The following CCAR1 variants were observed in gnomAD, a reference collection of about 807,000 sequenced individuals.
CCAR1 encodes cell division cycle and apoptosis regulator protein 1.
In CCAR1, 78 loss-of-function variants were observed where a neutral mutation model predicts 163.8. That is an observed-to-expected ratio of 0.48 (90% confidence interval 0.40 to 0.57). CCAR1 has a LOEUF of 0.57. Among genes scored for constraint, CCAR1 ranks in the 20% least tolerant of loss-of-function variants. CCAR1 has a pLI of 0.00. For synonymous variants in CCAR1, 443 were observed against 460.7 expected (o/e 0.96, Z 0.49); for missense variants, 1,019 against 1,365.2 (o/e 0.75, Z 4.00).
At chr10:68,740,497 C>G (rs2056168595) in intron 4 of CCAR1, 132 bp from the exon 5 acceptor site, 2 of 738,542 alleles carry the variant, frequency 2.7e-6, no homozygotes, top group African/African-American at 3.6e-5. Flanking sequence ...ATAGTGAGAC[C>G]TCGTTTCTGT....
chr10:68,785,499 G>C (rs571371006), intron 19 of CCAR1, among the ~76,000 whole-genome samples: 1 of 152,262 alleles, frequency 6.6e-6, no homozygotes, highest in East Asian at 1.9e-4. Flanking sequence ...TGGGATTACA[G>C]GCATGAGCCA....
At chr10:68,765,830 A>T (rs2056529005) in intron 16 of CCAR1, 58 bp from the exon 17 acceptor site, 2 of 1,149,598 alleles carry the variant, frequency 1.7e-6, no homozygotes, top group African/African-American at 3.1e-5. Context: ...TTCATCTTGC[A>T]CATGTATATA....
rs1196707969 is a variant in CCAR1, at chr10:68,789,823, G to A, written c.3301G>A (p.Glu1101Lys). 1.2e-6 allele frequency: 2 copies of A among 1,608,028 alleles called. No homozygotes were observed. ...GTTACAAGAAAACTTAAAGATTTCG[G>A]AAAACATGAATTTACAATTTGAAAA... ...SQLQENLKIS[E>K]NMNLQFENQM... is the part of the protein sequence containing the mutation. The change falls in exon 24 of 25, where the codon GAA (glutamate) becomes AAA (lysine). Residue 1101 changes from glutamate (E) to lysine (K), a missense_variant. By Grantham distance (56) the Glu-to-Lys change is moderately conservative. Around this residue, in one of 4 missense-constraint regions of CCAR1, gnomAD observed 358 missense variants for 406.4 expected, o/e 0.88. Coordinates refer to ENST00000265872, the MANE Select transcript of CCAR1 (RefSeq NM_018237.4).
At chr10:68,721,942 G>A (rs761708958) in intron 1 of CCAR1, among the ~76,000 whole-genome samples, 8 of 152,122 alleles carry the variant, frequency 5.3e-5, no homozygotes, top group Non-Finnish European at 1.2e-4. Context: ...GGTTGGAAAA[G>A]AAGCCCCCTA....
At chr10:68,774,106 G>C (rs2056634486) in intron 19 of CCAR1, among the ~76,000 whole-genome samples, 1 of 151,844 alleles carries the variant, frequency 6.6e-6, no homozygotes, top group Non-Finnish European at 1.5e-5. Flanking sequence ...TGGTCAGGCT[G>C]GTCTCGAACT....
intron 13 of CCAR1, among the ~76,000 whole-genome samples, chr10:68,755,877 G>T (rs974761830): frequency 6.6e-6 from 1 of 152,210 alleles, no homozygotes. Context: ...GTTATAAAAT[G>T]ATGTAGTTGC....
chr10:68,729,702 T>TA (rs3998848), intron 2 of CCAR1, among the ~76,000 whole-genome samples: 180 of 144,722 alleles, frequency 1.2e-3, no homozygotes, highest in African/African-American at 4.1e-3. Flanking sequence ...AACTCCGTCT[T>TA]AAAAAAAAAA....
At chr10:68,790,942 C>T (rs1047513472) in intron 24 of CCAR1, among the ~76,000 whole-genome samples, 16 of 151,826 alleles carry the variant, frequency 1.1e-4, no homozygotes, top group African/African-American at 3.9e-4. Flanking sequence ...AAGCAGCCCA[C>T]CTATCTTGGC....
At chr10:68,741,730 ATAAT>A (rs2056187137) in intron 5 of CCAR1, among the ~76,000 whole-genome samples, 1 of 152,200 alleles carries the variant, frequency 6.6e-6, no homozygotes, top group Non-Finnish European at 1.5e-5. Flanking sequence ...CTTTACACTA[ATAAT>A]TAGGACAGTG....
Position 68,788,292 on chromosome 10 carries a change from G to T in CCAR1, c.3151G>T (p.Val1051Leu), listed in dbSNP as rs922509106. ...AAAGAGCGAAAAAGTAAGAGCTGAG[G>T]TAGAACAGAAGCTGCAGTTACTAGA... ...LEKSEKVRAEVEQKLQLLEEK... is the reference protein window; with the variant it reads ...LEKSEKVRAELEQKLQLLEEK... Residue 1051 changes from valine (V) to leucine (L), a missense_variant, in exon 23 of 25, where the codon GTA becomes TTA. By Grantham distance (32) the Val-to-Leu change is conservative (BLOSUM62 1). This residue lies in a region of CCAR1 where 358 missense variants were observed against 406.4 expected (regional missense o/e 0.88). Coordinates refer to ENST00000265872, the MANE Select transcript of CCAR1 (RefSeq NM_018237.4). 34 of 1,582,896 alleles carry T rather than the reference G, an allele frequency of 2.1e-5. No homozygotes were observed. The highest frequency in any genetic ancestry group is 2.7e-5 in the Non-Finnish European group (32 of 1,171,006).
chr10:68,729,203 G>C (rs2055996276), intron 2 of CCAR1, among the ~76,000 whole-genome samples: 1 of 151,632 alleles, frequency 6.6e-6, no homozygotes, highest in Non-Finnish European at 1.5e-5. Flanking sequence ...CTTGTAATAG[G>C]TTATATTTAA....
At chr10:68,787,796 C>T (rs939898634) in intron 21 of CCAR1, 131 bp from the exon 22 acceptor site, 28 of 775,602 alleles carry the variant, frequency 3.6e-5, no homozygotes, top group Non-Finnish European at 5.3e-5. Context: ...GATCACACCA[C>T]TGCACTCCAG....
chr10:68,736,857 C>A lies in CCAR1; in HGVS notation c.74-19C>A, dbSNP rs1304779024. 6.4e-7 allele frequency: 1 copy of A among 1,570,332 alleles called. No individual in the cohort carries two copies. The highest frequency in any genetic ancestry group is 8.6e-7 in the Non-Finnish European group (1 of 1,159,856). On this transcript the variant is annotated intron_variant, in intron 2 of 24. Transcript: ENST00000265872. ...TCTTAATCTTGATTTTTATTTTTTC[C>A]TTTTTGATTTCATTTTAGCTGCACT...
chr10:68,756,171 T>C lies in CCAR1; in HGVS notation c.1626-102T>C. ...TTTTTTCTTTAGACCAACCTCAAGT[T>C]CTTGCAGCAAAATTTCTTTACTTGA... On this transcript the variant is annotated intron_variant, in intron 13 of 24. Transcript: ENST00000265872. The surrounding 1 kb of genome is among the most constrained non-coding windows in gnomAD (Gnocchi z 5.1). 2.3e-6 allele frequency: 2 copies of C among 864,944 alleles called. No individual in the cohort carries two copies. The highest frequency in any genetic ancestry group is 3.6e-6 in the Non-Finnish European group (2 of 557,132). The allele number at this position is 864,944 out of a possible 1,614,324, so 53.6% of individuals were successfully genotyped here.
rs184839490 is a variant in CCAR1 at position 68,726,846 on chromosome 10, A to G, written c.73+4269A>G. Among the ~76,000 whole-genome samples the G allele has an allele frequency of 2.0e-5, 3 of 151,556 alleles. No individual in the cohort carries two copies. The East Asian group carries it at 6.1e-4, about 31-fold the overall frequency. On this transcript the variant is annotated intron_variant, in intron 2 of 24. Transcript: ENST00000265872. ...CCCCGTCTCTACTAAAAATACAAAAATTAGCCGGACATAGTGGTGTGCATC... is the reference window on the plus strand; with the variant it reads ...CCCCGTCTCTACTAAAAATACAAAAGTTAGCCGGACATAGTGGTGTGCATC...
chr10:68,749,787 A>C, intron 10 of CCAR1, 102 bp downstream of exon 10: 1 of 1,015,990 alleles, frequency 9.8e-7, no homozygotes, highest in Non-Finnish European at 1.5e-6. Context: ...ATTTCCCGAC[A>C]GTTAGTGTTC....
intron 2 of CCAR1, among the ~76,000 whole-genome samples, chr10:68,729,482 G>A (rs1208701024): frequency 6.6e-6 from 1 of 151,806 alleles, no homozygotes. Context: ...TGTTAGCCAG[G>A]ATGGTCTTGA....
Position 68,755,545 on chromosome 10 carries a change from T to C in CCAR1, c.1625+9T>C, listed in dbSNP as rs773071790. ...AGTGTGTGCACACAATGGTAAGTAC[T>C]AATTCATTTCTTGATTAGAAGTGTT... On this transcript the variant is annotated intron_variant, in intron 13 of 24. Transcript: ENST00000265872. The C allele has an allele frequency of 8.7e-6, 14 of 1,601,126 alleles. No individual in the cohort carries two copies. The highest frequency in any genetic ancestry group is 1.1e-5 in the Non-Finnish European group (13 of 1,172,012).
In CCAR1 at chr10:68,791,535, T is replaced by G. The variant is rs2056851841; in HGVS notation, c.*269T>G. 4.6e-6 allele frequency: 1 copy of G among 218,788 alleles called. No individual in the cohort carries two copies. The highest frequency in any genetic ancestry group is 9.1e-6 in the Non-Finnish European group (1 of 110,090). 13.6% of individuals were successfully genotyped at this position (218,788 alleles called of 1,614,324 possible). On this transcript the variant is annotated 3_prime_UTR_variant, in exon 25 of 25. Coordinates refer to ENST00000265872, the MANE Select transcript of CCAR1 (RefSeq NM_018237.4). ...AACTTTGTTATAGTTTTAACTCCAA[T>G]AAAGTTCATCAGTTTAATTGACTGT...
Sources: allele counts gnomAD v4.1 joint callset (sites outside exome capture counted in the v4.1 genomes callset), GRCh38; gene constraint gnomAD v4.1.1; regional missense constraint gnomAD v4.1.1; non-coding constraint Gnocchi (gnomAD v3.1); transcripts MANE v1.5; gene names NCBI Gene and HGNC (gene_info 2026-07-23, HGNC 2026-07-21).